CFAP52: variants seen among roughly 807,000 people sequenced by gnomAD.
CFAP52 encodes the protein cilia- and flagella-associated protein 52.
A neutral mutation model predicts 70.5 loss-of-function variants in CFAP52; 57 were observed. The ratio of observed to expected loss-of-function variants is 0.81; its 90% CI spans 0.65 to 1.01. The LOEUF is 1.01. Ranked by LOEUF, CFAP52 falls within the 50% of genes least tolerant of loss-of-function variation. The probability of loss-of-function intolerance (pLI) is 0.00; values close to 1 mark genes in which losing one functional copy is unlikely to be tolerated. For synonymous variants in CFAP52, 267 were observed against 292.5 expected (o/e 0.91, Z 0.89); for missense variants, 785 against 788.5 (o/e 1.00, Z 0.05).
chr17:9,615,987 G>A (rs903480107), intron 8 of CFAP52, among the ~76,000 whole-genome samples: 2 of 151,396 alleles, frequency 1.3e-5, no homozygotes, highest in Admixed American at 1.3e-4. Context: ...AGTTTTTCGG[G>A]GGGAGGAGCC....
chr17:9,597,962 G>A (rs889673158), intron 4 of CFAP52, among the ~76,000 whole-genome samples: 1 of 152,310 alleles, frequency 6.6e-6, no homozygotes, highest in Non-Finnish European at 1.5e-5. Context: ...TTTCAGTAGA[G>A]TGGGTAGTGT....
intron 11 of CFAP52, 26 bp downstream of exon 11, chr17:9,635,582 C>G (rs1167039358): frequency 6.2e-7 from 1 of 1,613,594 alleles, no homozygotes; most frequent in Admixed American, 1.7e-5. Context: ...GGGGAGGATG[C>G]AGTGATACCT....
At chr17:9,629,499 T>C (rs1055079138) in intron 9 of CFAP52, among the ~76,000 whole-genome samples, 2 of 141,482 alleles carry the variant, frequency 1.4e-5, no homozygotes, top group African/African-American at 6.0e-5. Flanking sequence ...TTCTTTCTTT[T>C]CTTTTCTTTC....
chr17:9,638,596 A>G lies in CFAP52; in HGVS notation c.1473-13A>G. 1 of 1,612,118 alleles carries G rather than the reference A, an allele frequency of 6.2e-7. No individual in the cohort carries two copies. Among genetic ancestry groups the G allele is most frequent in the Non-Finnish European group, 8.5e-7 (1 of 1,178,416 alleles). ...GAAAGTCGACTTTCACAGCTTTTGA[A>G]TCTACTTTCCAGGCGTCTCAGGAGG... On this transcript the variant is annotated splice_polypyrimidine_tract_variant and intron_variant, in intron 11 of 13. Coordinates refer to ENST00000352665, the MANE Select transcript of CFAP52 (RefSeq NM_145054.5).
intron 11 of CFAP52, among the ~76,000 whole-genome samples, chr17:9,637,240 G>A (rs1169955041): frequency 2.0e-5 from 3 of 152,176 alleles, no homozygotes; most frequent in Non-Finnish European, 4.4e-5. Flanking sequence ...ACACTTGTAG[G>A]AAGTGTTAGG....
Position 9,608,150 on chromosome 17 carries a change from G to A in CFAP52, c.785G>A (p.Gly262Glu), listed in dbSNP as rs542712515. 1.6e-5 allele frequency: 26 copies of A among 1,612,656 alleles called. No homozygotes were observed. In the South Asian group the frequency reaches 2.4e-4, roughly 15 times the overall value. Residue 262 changes from glycine (G) to glutamate (E), a missense_variant, in exon 7 of 14, where the codon GGG becomes GAG. Gly to Glu is a moderately conservative substitution (Grantham distance 98). Coordinates refer to ENST00000352665, the MANE Select transcript of CFAP52 (RefSeq NM_145054.5). ...TCAGCTATCAGGTGCCTGAAGATGG[G>A]GGGTTTGTTGGTGGGCTCTGGAGCC... is the stretch of plus-strand genomic sequence containing the variant. ...GVSAIRCLKM[G>E]GLLVGSGAGL...
At position 9,638,653 on chromosome 17, in the gene CFAP52, A is replaced by AGT. The variant is rs774843109; in HGVS notation, c.1525_1526dup (p.Tyr510AlafsTer28). 2 of 1,614,188 alleles carry AGT rather than the reference A, an allele frequency of 1.2e-6. No individual in the cohort carries two copies. Among genetic ancestry groups the AGT allele is most frequent in the South Asian group, 2.2e-5 (2 of 91,080 alleles). On this transcript the variant is annotated frameshift_variant, in exon 12 of 14. Coordinates refer to ENST00000352665, the MANE Select transcript of CFAP52 (RefSeq NM_145054.5). LOFTEE classifies it high-confidence loss of function. ...ATGATACTAGCCAACACCTTATTCCAGTGTGTGTGCTATCACCCTGAGGAG... is the reference window on the plus strand; with the variant it reads ...ATGATACTAGCCAACACCTTATTCCAGTGTGTGTGTGCTATCACCCTGAGGAG...
chr17:9,636,239 GAAAGAAAGAA>G, intron 11 of CFAP52, among the ~76,000 whole-genome samples: 1 of 138,594 alleles, frequency 7.2e-6, no homozygotes, highest in South Asian at 2.6e-4. Flanking sequence ...AAGAAAGAAA[GAAAGAAAGAA>G]AGAGAAAGAA....
rs1374006347 is a variant in CFAP52, at chr17:9,628,672, T to C, written c.1026T>C (p.Phe342=). The stretch of plus-strand genomic sequence containing the variant: ...GCATCTCTTGATGGCTTCCTTGCAG[T>C]GGCACTGCTGAGCTATTTGCAACCT... ...FDAVEDIVFP[F]GTAELFATCA... is the part of the protein sequence containing the mutation. Residue 342 remains phenylalanine (F), a splice_region_variant and synonymous_variant, in exon 9 of 14, where the codon TTT becomes TTC. Transcript: ENST00000352665. 2 of 1,612,248 alleles carry C rather than the reference T, an allele frequency of 1.2e-6. No individual in the cohort carries two copies. The highest frequency in any genetic ancestry group is 1.7e-6 in the Non-Finnish European group (2 of 1,178,522).
chr17:9,603,474 G>T (rs1337542748), intron 6 of CFAP52, among the ~76,000 whole-genome samples: 1 of 152,202 alleles, frequency 6.6e-6, no homozygotes. Context: ...CTCCCAAAGT[G>T]CTGGGATTAC....
At chr17:9,633,211 T>C (rs1195922886) in intron 10 of CFAP52, among the ~76,000 whole-genome samples, 178 bp downstream of exon 10, 1 of 152,216 alleles carries the variant, frequency 6.6e-6, no homozygotes, top group Non-Finnish European at 1.5e-5. Flanking sequence ...TATAAATGTA[T>C]ACTTATTTTG....
chr17:9,626,192 A>T (rs572121420), intron 8 of CFAP52, among the ~76,000 whole-genome samples: 3 of 152,208 alleles, frequency 2.0e-5, no homozygotes, highest in Non-Finnish European at 4.4e-5. Flanking sequence ...TTGACTGCCA[A>T]GGAAGTGGAT....
At chr17:9,627,436 A>G (rs4062872) in intron 8 of CFAP52, among the ~76,000 whole-genome samples, 1 of 152,178 alleles carries the variant, frequency 6.6e-6, no homozygotes, top group Admixed American at 6.5e-5. Context: ...GCTTGAACAC[A>G]GGAGGTGGAG....
chr17:9,631,048 G>A (rs62064130), intron 9 of CFAP52, among the ~76,000 whole-genome samples: 2,510 of 19,252 alleles, frequency 0.13, 274 homozygotes, highest in East Asian at 0.31. Context: ...GAGAGAGAGA[G>A]AGAGAGAAAG....
At chr17:9,606,075 A>T (rs1258789442) in intron 6 of CFAP52, among the ~76,000 whole-genome samples, 1 of 152,124 alleles carries the variant, frequency 6.6e-6, no homozygotes, top group Admixed American at 6.6e-5. Context: ...TGCTCTAAAA[A>T]AAATAGCCTA....
chr17:9,638,275 A>G (rs1404269908), intron 11 of CFAP52, among the ~76,000 whole-genome samples: 1 of 152,204 alleles, frequency 6.6e-6, no homozygotes, highest in Non-Finnish European at 1.5e-5. Flanking sequence ...GGGAGGCAGC[A>G]GGTTGGCTGT....
intron 12 of CFAP52, among the ~76,000 whole-genome samples, chr17:9,640,826 T>A (rs1246335867): frequency 1.3e-5 from 2 of 152,102 alleles, no homozygotes; most frequent in African/African-American, 4.8e-5. Context: ...GTATTTTTAG[T>A]ACAGACAGGG....
At chr17:9,633,274 G>A (rs955412659) in intron 10 of CFAP52, among the ~76,000 whole-genome samples, 4 of 152,128 alleles carry the variant, frequency 2.6e-5, no homozygotes, top group African/African-American at 9.7e-5. Context: ...GCTCAATCTT[G>A]GCTCGTTACA....
chr17:9,616,324 C>A (rs1486790562), intron 8 of CFAP52, among the ~76,000 whole-genome samples: 3 of 125,312 alleles, frequency 2.4e-5, no homozygotes, highest in Non-Finnish European at 5.0e-5. Flanking sequence ...GAGACTATAT[C>A]CCACACCTGG....
Sources: allele counts gnomAD v4.1 joint callset (sites outside exome capture counted in the v4.1 genomes callset), GRCh38; gene constraint gnomAD v4.1.1; transcripts MANE v1.5; gene names NCBI Gene and HGNC (gene_info 2026-07-23, HGNC 2026-07-21).